Variants in CDH22 observed in about 807,000 individuals in gnomAD.
The protein encoded by CDH22 is cadherin 22.
A neutral mutation model predicts 58.4 loss-of-function variants in CDH22; 30 were observed. That is an observed-to-expected ratio of 0.51 (90% CI 0.38 to 0.70). CDH22 has a LOEUF of 0.70. CDH22 is among the 30% of genes least tolerant of loss of function. CDH22 has a pLI of 0.00. For missense variants in CDH22, 1,014 were observed against 1,233.9 expected, an observed-to-expected ratio of 0.82 and a Z score of 2.67; for synonymous variants, 513 against 558.2, an observed-to-expected ratio of 0.92 and a Z score of 1.14.
intron 1 of CDH22, among the ~76,000 whole-genome samples, chr20:46,291,323 A>G (rs909622612): frequency 6.6e-6 from 1 of 152,160 alleles, no homozygotes; most frequent in Admixed American, 6.6e-5. Flanking sequence ...ACAAAACCAA[A>G]TAATAATAGC....
chr20:46,239,272 A>G (rs1303257341), intron 3 of CDH22, among the ~76,000 whole-genome samples: 3 of 152,262 alleles, frequency 2.0e-5, no homozygotes, highest in Non-Finnish European at 4.4e-5. Context: ...TAGACACAGC[A>G]TGTCACATGC....
chr20:46,185,168 A>G (rs1023436539), intron 10 of CDH22, among the ~76,000 whole-genome samples: 1 of 151,258 alleles, frequency 6.6e-6, no homozygotes, highest in Non-Finnish European at 1.5e-5. Flanking sequence ...CACACAAACA[A>G]CAACAAACAC....
intron 8 of CDH22, among the ~76,000 whole-genome samples, chr20:46,188,706 C>G (rs1026566669): frequency 5.9e-5 from 9 of 152,156 alleles, no homozygotes; most frequent in Admixed American, 5.2e-4. Context: ...CCAGCCTGTC[C>G]TCTCTAAGCA....
At chr20:46,302,589 C>A (rs938488537) in intron 1 of CDH22, among the ~76,000 whole-genome samples, 4 of 152,174 alleles carry the variant, frequency 2.6e-5, no homozygotes, top group African/African-American at 9.7e-5. Context: ...CGTCCCCGAA[C>A]CTTGAGAGCG....
intron 1 of CDH22, among the ~76,000 whole-genome samples, chr20:46,262,300 A>T (rs1338525334): frequency 1.3e-5 from 2 of 152,070 alleles, no homozygotes; most frequent in African/African-American, 2.4e-5. Flanking sequence ...CCAGGAAGGC[A>T]AAGGTGGAAG....
At chr20:46,214,656 G>A (rs2086069949) in intron 5 of CDH22, among the ~76,000 whole-genome samples, 1 of 152,098 alleles carries the variant, frequency 6.6e-6, no homozygotes, top group Non-Finnish European at 1.5e-5. Context: ...CTCACCTCCA[G>A]GCATCCCCTC....
intron 4 of CDH22, 29 bp downstream of exon 4, chr20:46,227,478 CT>C: frequency 7.4e-7 from 1 of 1,357,290 alleles, no homozygotes; most frequent in Non-Finnish European, 1.0e-6. Context: ...CGCCCCACGG[CT>C]CCGCCTCTGG....
chr20:46,227,544 C>T lies in CDH22; in HGVS notation c.634G>A (p.Asp212Asn), dbSNP rs2086186438. 2 of 1,610,660 alleles carry T rather than the reference C, an allele frequency of 1.2e-6. No individual in the cohort carries two copies. Among genetic ancestry groups the T allele is most frequent in the Admixed American group, 1.7e-5 (1 of 59,910 alleles). ...SSARLVYSVLDGEHHFTVDPK... is the reference protein window; with the variant it reads ...SSARLVYSVLNGEHHFTVDPK... ...TCCACGGTGAAGTGGTGCTCGCCGT[C>T]CAGCACGCTGTACACCAGCCGAGCG... Residue 212 changes from aspartate to asparagine, a missense_variant, in exon 4 of 12, where the codon GAC (aspartate) becomes AAC (asparagine). Around this residue, in one of 2 missense-constraint regions of CDH22, gnomAD observed 806 missense variants for 1,038.7 expected, o/e 0.78. Transcript: ENST00000537909.
intron 1 of CDH22, among the ~76,000 whole-genome samples, chr20:46,263,621 G>A (rs546588742): frequency 1.3e-5 from 2 of 152,272 alleles, no homozygotes; most frequent in Admixed American, 6.5e-5. Flanking sequence ...CTGAGAAGGG[G>A]TTTTTTAGCT....
chr20:46,178,586 C>CTTTTTTTTTTTTTTT lies in CDH22; in HGVS notation c.1664-404_1664-390dup, dbSNP rs33937889. On this transcript the variant is annotated intron_variant, in intron 10 of 11. Transcript: ENST00000537909. ...GCCAAGGTCCTGTCCCTGGCGTTGT[C>CTTTTTTTTTTTTTTT]TTTTTTTTTTTTTTTTTTTTTGCCA... Among the ~76,000 whole-genome samples the CTTTTTTTTTTTTTTT allele has an allele frequency of 4.4e-4, 42 of 95,334 alleles. 1 individual carries two copies. Among genetic ancestry groups the CTTTTTTTTTTTTTTT allele is most frequent in the Admixed American group, 7.1e-4 (6 of 8,448 alleles). The allele number at this position is 95,334 out of a possible 152,430, so 62.5% of individuals were successfully genotyped here. A position where few individuals can be genotyped will look rare whatever the true frequency, so the allele number is the denominator to read the frequency against.
intron 7 of CDH22, among the ~76,000 whole-genome samples, chr20:46,204,393 CAAAAAAAAAAAAAAA>C (rs3092239): frequency 1.3e-4 from 10 of 77,278 alleles, no homozygotes; most frequent in African/African-American, 5.4e-4. Context: ...GACTCTGTCT[CAAAAAAAAAAAAAAA>C]AAAAAAAAAA....
rs2059032099 is a variant in CDH22 at position 46,308,117 on chromosome 20, G to T, written c.-400+138C>A. 6.6e-6 allele frequency: 1 copy of T among 151,156 alleles called. No individual in the cohort carries two copies. Among genetic ancestry groups the T allele is most frequent in the South Asian group, 2.1e-4 (1 of 4,828 alleles). 9.4% of individuals were successfully genotyped at this position (151,156 alleles called of 1,614,324 possible). On this transcript the variant is annotated intron_variant, in intron 1 of 11. Coordinates refer to ENST00000537909, the MANE Select transcript of CDH22 (RefSeq NM_021248.3). The surrounding 1 kb of genome is among the most constrained non-coding windows in gnomAD (Gnocchi z 4.3). ...CGCAGGGCCGGGCGCAGGCACCCCG[G>T]CTCCTCCTGCGGCTGGAGGCTCGCC...
chr20:46,289,196 C>T (rs1421543049), intron 1 of CDH22, among the ~76,000 whole-genome samples: 1 of 152,160 alleles, frequency 6.6e-6, no homozygotes, highest in African/African-American at 2.4e-5. Flanking sequence ...GTCTGCCTGG[C>T]TCACTCTCTC....
At position 46,186,601 on chromosome 20, in the gene CDH22, CAG is replaced by C; in HGVS notation, c.1648_1649del (p.Leu550AlafsTer2). On this transcript the variant is annotated frameshift_variant, in exon 10 of 12. Coordinates refer to ENST00000537909, the MANE Select transcript of CDH22 (RefSeq NM_021248.3). LOFTEE classifies it high-confidence loss of function. ...TTGGAGGCTCACCTTGGATGTCAAG[CAG>C]AGAGAAATGAGGGTTGCTGGGAGCT... is the stretch of plus-strand genomic sequence containing the variant. ...PEAPSNPHFS[L>X]LDIQDNTAAV... The C allele has an allele frequency of 6.2e-7, 1 of 1,610,352 alleles. No homozygotes were observed. Among genetic ancestry groups the C allele is most frequent in the Non-Finnish European group, 8.5e-7 (1 of 1,178,276 alleles).
intron 10 of CDH22, among the ~76,000 whole-genome samples, chr20:46,182,461 C>T (rs964670185): frequency 2.1e-4 from 32 of 152,172 alleles, no homozygotes; most frequent in Admixed American, 3.3e-4. Context: ...CGGCTGGCTC[C>T]GGCTCAGCTT....
At chr20:46,265,781 T>C (rs2086456459) in intron 1 of CDH22, among the ~76,000 whole-genome samples, 1 of 152,194 alleles carries the variant, frequency 6.6e-6, no homozygotes, top group African/African-American at 2.4e-5. Context: ...TCATCCATTC[T>C]CCTTTTTCTT....
rs149506379 is a variant in CDH22, at chr20:46,239,700, C to T, written c.550+1263G>A. On this transcript the variant is annotated intron_variant, in intron 3 of 11. Coordinates refer to ENST00000537909, the MANE Select transcript of CDH22 (RefSeq NM_021248.3). Reference sequence around the variant, plus strand: ...GGCTTAGGACCTAGGGCAGCTGCTTCTTGTCTAGCCTGGCTTGCAGATTAC... The same window carrying T: ...GGCTTAGGACCTAGGGCAGCTGCTTTTTGTCTAGCCTGGCTTGCAGATTAC... Among the ~76,000 whole-genome samples the T allele has an allele frequency of 1.1e-4, 17 of 152,356 alleles. No homozygotes were observed. The East Asian group carries it at 3.1e-3, about 28-fold the overall frequency.
At chr20:46,184,811 A>G (rs1307510984) in intron 10 of CDH22, among the ~76,000 whole-genome samples, 1 of 152,150 alleles carries the variant, frequency 6.6e-6, no homozygotes, top group Non-Finnish European at 1.5e-5. Flanking sequence ...GATGAAACTG[A>G]GGCTTAGAGA....
At chr20:46,274,449 C>A (rs1449557457) in intron 1 of CDH22, among the ~76,000 whole-genome samples, 1 of 152,182 alleles carries the variant, frequency 6.6e-6, no homozygotes, top group African/African-American at 2.4e-5. Flanking sequence ...AACAATTGGG[C>A]CCTTAGCTTC....
Sources: allele counts gnomAD v4.1 joint callset (sites outside exome capture counted in the v4.1 genomes callset), GRCh38; gene constraint gnomAD v4.1.1; regional missense constraint gnomAD v4.1.1; non-coding constraint Gnocchi (gnomAD v3.1); transcripts MANE v1.5; gene names NCBI Gene and HGNC (gene_info 2026-07-23, HGNC 2026-07-21).